PCDHA3: variants seen among roughly 807,000 people sequenced by gnomAD.
PCDHA3 encodes the protein protocadherin alpha-3.
A neutral mutation model predicts 62.2 loss-of-function variants in PCDHA3; 41 were observed. The ratio of observed to expected loss-of-function variants is 0.66; its 90% CI spans 0.51 to 0.86. The LOEUF (loss-of-function observed/expected upper bound fraction) is 0.86. PCDHA3 is among the 40% of genes least tolerant of loss of function. The pLI, the probability that PCDHA3 is intolerant of heterozygous loss-of-function variation, is 0.00. For missense variants in PCDHA3, 1,304 were observed against 1,241.2 expected, an observed-to-expected ratio of 1.05 and a Z score of -0.76; for synonymous variants, 640 against 555.4, an observed-to-expected ratio of 1.15 and a Z score of -2.14.
intron 1 of PCDHA3, among the ~76,000 whole-genome samples, chr5:140,890,239 C>G (rs1398307605): frequency 6.6e-6 from 1 of 151,982 alleles, no homozygotes; most frequent in African/African-American, 2.4e-5. Context: ...AAGCATTTAC[C>G]AGTACACTAC....
In PCDHA3 at chr5:140,949,770, T is replaced by C. The variant is rs955982016; in HGVS notation, c.2395-29179T>C. On this transcript the variant is annotated intron_variant, in intron 1 of 3. Coordinates refer to ENST00000522353, the MANE Select transcript of PCDHA3 (RefSeq NM_018906.3). ...TTAGCCCATTCACATTAGTGTAATA[T>C]TTGATATGTTTAGATTTGTGTCCTT... Among the ~76,000 whole-genome samples, 3 of 152,026 alleles carry C rather than the reference T, an allele frequency of 2.0e-5. 1 individual carries two copies. The highest frequency in any genetic ancestry group is 6.8e-3 in the Middle Eastern group (2 of 294).
chr5:140,866,321 C>A (rs1282592787), intron 1 of PCDHA3: 1 of 152,000 alleles, frequency 6.6e-6, no homozygotes, highest in Non-Finnish European at 1.5e-5. Flanking sequence ...TTTCAGGGAC[C>A]CTGAACTTGG....
chr5:140,912,532 G>T (rs1554195398), intron 1 of PCDHA3, among the ~76,000 whole-genome samples: 1 of 152,092 alleles, frequency 6.6e-6, no homozygotes, highest in African/African-American at 2.4e-5. Flanking sequence ...CAGAGTACAT[G>T]ATCATATTGT....
In PCDHA3 at chr5:140,820,736, T is replaced by A. The variant is rs184348136; in HGVS notation, c.2394+17145T>A. ...TATTTACTGGAACCTAAACATTTTG[T>A]GAAATAGTATGTCATATAGACAATA... On this transcript the variant is annotated intron_variant, in intron 1 of 3. Transcript: ENST00000522353. 1.5e-3 allele frequency among the ~76,000 whole-genome samples: 225 copies of A among 152,168 alleles called. 1 individual carries two copies. The highest frequency in any genetic ancestry group is 2.8e-3 in the Non-Finnish European group (192 of 67,898).
At chr5:140,987,022 T>C (rs1218338191) in intron 3 of PCDHA3, among the ~76,000 whole-genome samples, 1 of 152,068 alleles carries the variant, frequency 6.6e-6, no homozygotes, top group African/African-American at 2.4e-5. Flanking sequence ...GAGACCAGCC[T>C]GGTCAACATG....
chr5:140,867,527 T>C (rs1238140449), intron 1 of PCDHA3: 1 of 152,106 alleles, frequency 6.6e-6, no homozygotes, highest in Non-Finnish European at 1.5e-5. Context: ...TAGTTGAATA[T>C]ATATATAAAA....
chr5:140,869,502 C>T lies in PCDHA3; in HGVS notation c.2394+65911C>T, dbSNP rs2051182557. 3 of 1,614,090 alleles carry T rather than the reference C, an allele frequency of 1.9e-6. No homozygotes were observed. In the African/African-American group the frequency reaches 4.0e-5, roughly 22 times the overall value. On this transcript the variant is annotated intron_variant, in intron 1 of 3. Transcript: ENST00000522353. Reference sequence around the variant, plus strand: ...ACATTAACGACAACCCGCCGGTGTTCTCGCTCAGAGAACAAAAGCTGCTGA... The same window carrying T: ...ACATTAACGACAACCCGCCGGTGTTTTCGCTCAGAGAACAAAAGCTGCTGA...
At chr5:140,870,656 C>T (rs782506518) in intron 1 of PCDHA3, 22 of 1,612,360 alleles carry the variant, frequency 1.4e-5, no homozygotes, top group Non-Finnish European at 1.7e-6. Flanking sequence ...AAGGTGTACG[C>T]GCTGCAGCCG....
intron 1 of PCDHA3, chr5:140,806,879 CA>C: frequency 4.9e-6 from 2 of 410,048 alleles, no homozygotes; most frequent in Non-Finnish European, 4.4e-6. Flanking sequence ...CACAGTAGTA[CA>C]AAATGTATTC....
chr5:140,959,753 T>C (rs1479386012), intron 1 of PCDHA3, among the ~76,000 whole-genome samples: 1 of 152,226 alleles, frequency 6.6e-6, no homozygotes. Context: ...TTAAAGTATA[T>C]TTTAATATTC....
At chr5:140,972,729 T>G (rs574244702) in intron 1 of PCDHA3, among the ~76,000 whole-genome samples, 47 of 147,600 alleles carry the variant, frequency 3.2e-4, no homozygotes, top group African/African-American at 1.1e-3. Context: ...AGTGGCGTAA[T>G]CCCGGCTCAC....
At chr5:140,811,726 T>G (rs1214994996) in intron 1 of PCDHA3, 1 of 152,244 alleles carries the variant, frequency 6.6e-6, no homozygotes, top group Non-Finnish European at 1.5e-5. Flanking sequence ...ATTGTGGTTT[T>G]GATTTGCATT....
In PCDHA3 at chr5:140,875,325, G is replaced by C. The variant is rs1293166061; in HGVS notation, c.2394+71734G>C. 3 of 1,427,764 alleles carry C rather than the reference G, an allele frequency of 2.1e-6. No homozygotes were observed. The African/African-American group carries it at 4.3e-5, about 21-fold the overall frequency. 88.4% of individuals were successfully genotyped at this position (1,427,764 alleles called of 1,614,324 possible). A position where few individuals can be genotyped will look rare whatever the true frequency, so the allele number is the denominator to read the frequency against. On this transcript the variant is annotated intron_variant, in intron 1 of 3. Coordinates refer to ENST00000522353, the MANE Select transcript of PCDHA3 (RefSeq NM_018906.3). ...CCGCACCCACATTCCAATCATTCAC[G>C]GAATAGGATCGACTCCATAATGACT...
intron 1 of PCDHA3, among the ~76,000 whole-genome samples, chr5:140,821,387 T>G (rs1380129357): frequency 1.3e-5 from 2 of 152,218 alleles, no homozygotes; most frequent in African/African-American, 4.8e-5. Context: ...ATGACGCACT[T>G]ATATTGACGC....
rs1378161589 is a variant in PCDHA3 at position 140,853,784 on chromosome 5, G to A, written c.2394+50193G>A. Reference sequence around the variant, plus strand: ...AGAAATTCTGAAATGGGTAGTAAGAGCAAATTTTCATTTTAAAGCACACCT... The same window carrying A: ...AGAAATTCTGAAATGGGTAGTAAGAACAAATTTTCATTTTAAAGCACACCT... On this transcript the variant is annotated intron_variant, in intron 1 of 3. Coordinates refer to ENST00000522353, the MANE Select transcript of PCDHA3 (RefSeq NM_018906.3). The A allele has an allele frequency of 6.1e-6, 6 of 987,548 alleles. 1 individual carries two copies. Among genetic ancestry groups the A allele is most frequent in the Non-Finnish European group, 7.3e-6 (6 of 819,678 alleles). The allele number at this position is 987,548 out of a possible 1,614,324, so 61.2% of individuals were successfully genotyped here.
intron 1 of PCDHA3, chr5:140,862,887 G>C (rs781965401): frequency 2.7e-5 from 15 of 562,992 alleles, no homozygotes; most frequent in South Asian, 1.8e-4. Flanking sequence ...GTGCTGGAAC[G>C]ACAACTTTGT....
Position 140,805,532 on chromosome 5 carries a change from G to T in PCDHA3, c.2394+1941G>T, listed in dbSNP as rs1171916304. On this transcript the variant is annotated intron_variant, in intron 1 of 3. Transcript: ENST00000522353. Reference sequence around the variant, plus strand: ...GATTTTTTGTTTAGACAAACAGGATGAAAATAACTTTATGGATATAGGAGG... The same window carrying T: ...GATTTTTTGTTTAGACAAACAGGATTAAAATAACTTTATGGATATAGGAGG... 3 of 986,114 alleles carry T rather than the reference G, an allele frequency of 3.0e-6. No individual in the cohort carries two copies. In the African/African-American group the frequency reaches 5.2e-5, roughly 17 times the overall value. 61.1% of individuals were successfully genotyped at this position (986,114 alleles called of 1,614,324 possible). A position where few individuals can be genotyped will look rare whatever the true frequency, so the allele number is the denominator to read the frequency against.
At chr5:140,828,389 G>A (rs1769730233) in intron 1 of PCDHA3, 1 of 1,614,162 alleles carries the variant, frequency 6.2e-7, no homozygotes, top group Admixed American at 1.7e-5. Context: ...CGGGCGGAGC[G>A]CGGAGTGCAG....
intron 1 of PCDHA3, chr5:140,969,008 G>A (rs782541476): frequency 6.2e-7 from 1 of 1,614,194 alleles, no homozygotes; most frequent in Non-Finnish European, 8.5e-7. Context: ...CTTCTGTGGA[G>A]TAAGGGAAAG....
Sources: gnomAD v4.1 joint callset for allele counts (sites outside exome capture counted in the v4.1 genomes callset) on GRCh38, gnomAD v4.1.1 for gene constraint, MANE v1.5 for transcripts, NCBI Gene and HGNC (gene_info 2026-07-23, HGNC 2026-07-21) for gene names.